THSD4: variants seen among roughly 807,000 people sequenced by gnomAD.
THSD4 encodes the protein thrombospondin type 1 domain containing 4, also known as thrombospondin type-1 domain-containing protein 4.
THSD4 carries 69 observed loss-of-function variants against 119.0 expected under a neutral mutation model. The observed-to-expected ratio is 0.58, with a 90% CI of 0.48 to 0.71. The LOEUF (loss-of-function observed/expected upper bound fraction) is 0.71, where lower values mean the gene tolerates loss of function less well. Ranked by LOEUF, THSD4 falls within the 30% of genes least tolerant of loss-of-function variation. The probability of loss-of-function intolerance (pLI) is 0.00; values close to 1 mark genes in which losing one functional copy is unlikely to be tolerated. For synonymous variants in THSD4, 524 were observed against 540.4 expected (o/e 0.97, Z 0.42); for missense variants, 1,393 against 1,391.1 (o/e 1.00, Z -0.02).
chr15:71,746,995 C>G lies in THSD4; in HGVS notation c.2194C>G (p.Gln732Glu). 1 of 1,613,380 alleles carries G rather than the reference C, an allele frequency of 6.2e-7. No homozygotes were observed. Among genetic ancestry groups the G allele is most frequent in the Non-Finnish European group, 8.5e-7 (1 of 1,179,950 alleles). ...LEKPETTSTC[Q>E]LKICSEWQIR... Reference sequence around the variant, plus strand: ...GAAACCTGAGACCACCAGCACCTGCCAACTCAAGATCTGCAGCGAGTGGCA... The same window carrying G: ...GAAACCTGAGACCACCAGCACCTGCGAACTCAAGATCTGCAGCGAGTGGCA... Residue 732 changes from glutamine (Q) to glutamate (E), a missense_variant, in exon 13 of 18, where the codon CAA (glutamine) becomes GAA (glutamate). By Grantham distance (29) the Gln-to-Glu change is conservative (BLOSUM62 2). Coordinates refer to ENST00000261862, the MANE Select transcript of THSD4 (RefSeq NM_024817.3).
intron 7 of THSD4, among the ~76,000 whole-genome samples, chr15:71,623,926 G>GAA (rs11450708): frequency 0.39 from 52,621 of 136,026 alleles, 12,393 homozygotes; most frequent in East Asian, 0.7. Flanking sequence ...TCCCTCTCAA[G>GAA]AAAAAAAAAA....
In THSD4 at chr15:71,381,738, C is replaced by A. The variant is rs578206222; in HGVS notation, c.1016-29949C>A. 9.2e-5 allele frequency among the ~76,000 whole-genome samples: 14 copies of A among 152,230 alleles called. No homozygotes were observed. In the East Asian group the frequency reaches 1.7e-3, roughly 19 times the overall value. On this transcript the variant is annotated intron_variant, in intron 6 of 17. Coordinates refer to ENST00000261862, the MANE Select transcript of THSD4 (RefSeq NM_024817.3). ...TGTAGCATAGAACATTTTAACATAA[C>A]TGAAATTATGACTGCTGCCGTATTA... is the stretch of plus-strand genomic sequence containing the variant.
At chr15:71,407,708 C>CCAA in intron 6 of THSD4, among the ~76,000 whole-genome samples, 1 of 151,790 alleles carries the variant, frequency 6.6e-6, no homozygotes, top group African/African-American at 2.4e-5. Context: ...TAAATTCAGG[C>CCAA]GTGGGATCTG....
intron 8 of THSD4, among the ~76,000 whole-genome samples, chr15:71,661,121 A>G (rs1382096989): frequency 6.6e-6 from 1 of 152,150 alleles, no homozygotes; most frequent in African/African-American, 2.4e-5. Flanking sequence ...GATCCTATCT[A>G]TACCTTCACT....
At chr15:71,680,980 A>G (rs1034815188) in intron 8 of THSD4, among the ~76,000 whole-genome samples, 2 of 144,222 alleles carry the variant, frequency 1.4e-5, no homozygotes, top group Non-Finnish European at 3.0e-5. Flanking sequence ...GTGCAGTGCC[A>G]TGATCTCAGC....
chr15:71,620,937 T>C (rs994131480), intron 7 of THSD4, among the ~76,000 whole-genome samples: 1 of 152,188 alleles, frequency 6.6e-6, no homozygotes, highest in Non-Finnish European at 1.5e-5. Context: ...TATTGTGTTA[T>C]TTTGGGCAGA....
intron 3 of THSD4, among the ~76,000 whole-genome samples, chr15:71,211,022 A>G (rs1160917764): frequency 6.6e-6 from 1 of 152,208 alleles, no homozygotes; most frequent in Non-Finnish European, 1.5e-5. Flanking sequence ...TGCTGGTGAA[A>G]GAGTATGTGC....
At chr15:71,597,152 A>C (rs1255225361) in intron 7 of THSD4, among the ~76,000 whole-genome samples, 2 of 152,106 alleles carry the variant, frequency 1.3e-5, no homozygotes, top group Non-Finnish European at 2.9e-5. Context: ...GACCATTTAG[A>C]TTATTTCTAA....
intron 7 of THSD4, among the ~76,000 whole-genome samples, chr15:71,589,117 C>G (rs1030636732): frequency 1.3e-5 from 2 of 152,166 alleles, no homozygotes; most frequent in Non-Finnish European, 1.5e-5. Flanking sequence ...CATGCATTCA[C>G]TCAGCAATTT....
At chr15:71,503,906 G>A (rs2048151167) in intron 7 of THSD4, among the ~76,000 whole-genome samples, 1 of 152,172 alleles carries the variant, frequency 6.6e-6, no homozygotes, top group African/African-American at 2.4e-5. Flanking sequence ...ACAGGAAAAT[G>A]GAATCTTTGT....
At chr15:71,771,276 A>C in intron 17 of THSD4, 68 bp downstream of exon 17, 1 of 1,584,312 alleles carries the variant, frequency 6.3e-7, no homozygotes, top group Non-Finnish European at 8.6e-7. Flanking sequence ...CTCCGGTGTG[A>C]CAATAACAAG....
chr15:71,461,816 G>C (rs2047432125), intron 7 of THSD4, among the ~76,000 whole-genome samples: 1 of 147,852 alleles, frequency 6.8e-6, no homozygotes, highest in African/African-American at 2.5e-5. Context: ...TTCTTCTCTA[G>C]TGTCTGCATT....
In THSD4 at chr15:71,321,132, G is replaced by A. The variant is rs189811401; in HGVS notation, c.1015+64417G>A. On this transcript the variant is annotated intron_variant, in intron 6 of 17. Transcript: ENST00000261862. ...TCCCCGTTTTATAGATGTATCAGCT[G>A]AGACTAGCAGAGATGAAATGACTGC... Among the ~76,000 whole-genome samples, 232 of 152,344 alleles carry A rather than the reference G, an allele frequency of 1.5e-3. 1 individual carries two copies. Among genetic ancestry groups the A allele is most frequent in the African/African-American group, 5.0e-3 (206 of 41,588 alleles).
At chr15:71,667,199 A>G (rs1053520178) in intron 8 of THSD4, among the ~76,000 whole-genome samples, 6 of 152,172 alleles carry the variant, frequency 3.9e-5, no homozygotes, top group African/African-American at 9.7e-5. Flanking sequence ...TCCTGTATCT[A>G]TTGTAAGCTA....
At chr15:71,293,260 A>C (rs1309623519) in intron 6 of THSD4, among the ~76,000 whole-genome samples, 1 of 152,108 alleles carries the variant, frequency 6.6e-6, no homozygotes. Context: ...GGAACCCTGC[A>C]CACAACTGTC....
At chr15:71,386,197 TG>T (rs1467904128) in intron 6 of THSD4, among the ~76,000 whole-genome samples, 2 of 152,170 alleles carry the variant, frequency 1.3e-5, no homozygotes, top group Non-Finnish European at 2.9e-5. Context: ...CAAATGTTAA[TG>T]GGTTGACTTC....
At chr15:71,341,962 A>G (rs1391795142) in intron 6 of THSD4, among the ~76,000 whole-genome samples, 1 of 152,198 alleles carries the variant, frequency 6.6e-6, no homozygotes, top group Non-Finnish European at 1.5e-5. Context: ...CCAAGAAGAC[A>G]GTAAAAAATT....
intron 6 of THSD4, among the ~76,000 whole-genome samples, chr15:71,386,637 G>A (rs1378896574): frequency 2.0e-5 from 3 of 152,222 alleles, no homozygotes; most frequent in Non-Finnish European, 4.4e-5. Flanking sequence ...AGCAGATGGA[G>A]ATGTTACCAC....
intron 6 of THSD4, among the ~76,000 whole-genome samples, chr15:71,323,328 A>G (rs1181539610): frequency 2.0e-5 from 3 of 152,140 alleles, no homozygotes; most frequent in Non-Finnish European, 4.4e-5. Context: ...GAACATAGAA[A>G]TCTCATGTTC....
Sources: allele counts gnomAD v4.1 joint callset (sites outside exome capture counted in the v4.1 genomes callset), GRCh38; gene constraint gnomAD v4.1.1; transcripts MANE v1.5; gene names NCBI Gene and HGNC (gene_info 2026-07-23, HGNC 2026-07-21).